Variants in FMN2 observed in about 807,000 individuals in gnomAD.
FMN2 encodes the protein formin-2.
Under a neutral mutation model 142.3 loss-of-function variants are expected in FMN2, and 51 were observed. That is an observed-to-expected ratio of 0.36 (90% confidence interval 0.29 to 0.45). FMN2 has a LOEUF of 0.45. FMN2 is among the 20% of genes least tolerant of loss of function. The probability of loss-of-function intolerance (pLI) is 1.00; values close to 1 mark genes in which losing one functional copy is unlikely to be tolerated. For synonymous variants in FMN2, 882 were observed against 869.8 expected (o/e 1.01, Z -0.25); for missense variants, 1,936 against 2,122.8 (o/e 0.91, Z 1.73).
At chr1:240,333,859 T>G in intron 11 of FMN2, 28 bp from the exon 12 acceptor site, 1 of 1,554,326 alleles carries the variant, frequency 6.4e-7, no homozygotes, top group Non-Finnish European at 8.7e-7. Context: ...AAAAATATAT[T>G]GTCACTGACT....
chr1:240,409,745 A>G (rs902585917), intron 15 of FMN2, among the ~76,000 whole-genome samples: 1 of 152,216 alleles, frequency 6.6e-6, no homozygotes, highest in Non-Finnish European at 1.5e-5. Flanking sequence ...TGCCCAAACA[A>G]TAAGGAAAAT....
In FMN2 at chr1:240,297,333, T is replaced by C. The variant is rs527384672; in HGVS notation, c.4215+2450T>C. On this transcript the variant is annotated intron_variant, in intron 8 of 17. Transcript: ENST00000319653. ...TATTTGGGCTGGGTGTGGTGGCTCATGCCTGTAATCCTAGCACTTTGGGAG... is the reference window on the plus strand; with the variant it reads ...TATTTGGGCTGGGTGTGGTGGCTCACGCCTGTAATCCTAGCACTTTGGGAG... Among the ~76,000 whole-genome samples the C allele has an allele frequency of 1.4e-4, 22 of 152,192 alleles. No individual in the cohort carries two copies. The South Asian group carries it at 1.5e-3, about 10-fold the overall frequency.
intron 13 of FMN2, among the ~76,000 whole-genome samples, chr1:240,345,013 T>C (rs1671861911): frequency 6.6e-6 from 1 of 152,222 alleles, no homozygotes; most frequent in African/African-American, 2.4e-5. Flanking sequence ...TACCATGAGA[T>C]TATAGTCATT....
chr1:240,239,313 T>A (rs1368601782), intron 6 of FMN2, among the ~76,000 whole-genome samples: 1 of 152,206 alleles, frequency 6.6e-6, no homozygotes, highest in Non-Finnish European at 1.5e-5. Flanking sequence ...TTTCTTCAAA[T>A]GGATTTGTTA....
At chr1:240,197,824 AC>A (rs1260182411) in intron 4 of FMN2, among the ~76,000 whole-genome samples, 3 of 152,020 alleles carry the variant, frequency 2.0e-5, no homozygotes, top group African/African-American at 7.2e-5. Flanking sequence ...ATGCACCACC[AC>A]GCCTGGCTAA....
chr1:240,332,415 T>C (rs541587502), intron 11 of FMN2, among the ~76,000 whole-genome samples: 21 of 151,986 alleles, frequency 1.4e-4, no homozygotes, highest in Non-Finnish European at 2.5e-4. Context: ...ATGGTAATTC[T>C]TCAATACTCA....
At chr1:240,160,583 C>T (rs1664237090) in intron 2 of FMN2, among the ~76,000 whole-genome samples, 1 of 151,430 alleles carries the variant, frequency 6.6e-6, no homozygotes, top group Admixed American at 6.6e-5. Context: ...GACAGAAACT[C>T]TTAGGAAACT....
chr1:240,420,602 G>A (rs936290614), intron 15 of FMN2, among the ~76,000 whole-genome samples: 8 of 152,196 alleles, frequency 5.3e-5, no homozygotes, highest in Admixed American at 5.2e-4. Context: ...GTTCACACCA[G>A]GACATTTTTA....
At chr1:240,299,199 C>T (rs547025207) in intron 8 of FMN2, among the ~76,000 whole-genome samples, 12 of 152,216 alleles carry the variant, frequency 7.9e-5, no homozygotes, top group Admixed American at 7.2e-4. Flanking sequence ...CCACCCGCCT[C>T]GACCTTACAA....
At chr1:240,275,863 A>C (rs1186868822) in intron 7 of FMN2, among the ~76,000 whole-genome samples, 1 of 151,810 alleles carries the variant, frequency 6.6e-6, no homozygotes, top group African/African-American at 2.4e-5. Context: ...TTTTTTCCCT[A>C]TGTCTGTTGG....
intron 2 of FMN2, among the ~76,000 whole-genome samples, chr1:240,172,316 A>T (rs1340214750): frequency 1.3e-5 from 2 of 152,192 alleles, no homozygotes; most frequent in Non-Finnish European, 2.9e-5. Context: ...AAGAAAACTC[A>T]GTTTGCTCAA....
At chr1:240,393,171 A>ATT (rs61633161) in intron 15 of FMN2, among the ~76,000 whole-genome samples, 7 of 149,830 alleles carry the variant, frequency 4.7e-5, no homozygotes, top group Non-Finnish European at 4.5e-5. Flanking sequence ...AGATAAGTGT[A>ATT]TTTTTTTTTT....
chr1:240,153,353 A>G (rs980207275), intron 2 of FMN2, among the ~76,000 whole-genome samples: 2 of 151,698 alleles, frequency 1.3e-5, no homozygotes, highest in Non-Finnish European at 2.9e-5. Flanking sequence ...CTCGGTTCTC[A>G]AAAAGTACCC....
chr1:240,434,459 C>T (rs1675284831), intron 15 of FMN2, among the ~76,000 whole-genome samples: 1 of 151,916 alleles, frequency 6.6e-6, no homozygotes, highest in South Asian at 2.1e-4. Context: ...GATTACATAA[C>T]CAAAAATGCC....
At chr1:240,146,065 A>G (rs1663452485) in intron 2 of FMN2, among the ~76,000 whole-genome samples, 1 of 151,898 alleles carries the variant, frequency 6.6e-6, no homozygotes, top group Non-Finnish European at 1.5e-5. Context: ...TACATATGCC[A>G]CGTTCAAAGT....
chr1:240,295,186 TCATACA>T (rs1412163313), intron 8 of FMN2, among the ~76,000 whole-genome samples: 1 of 89,844 alleles, frequency 1.1e-5, no homozygotes, highest in African/African-American at 4.7e-5. Context: ...TCTGTGCACT[TCATACA>T]CACACACACA....
intron 4 of FMN2, among the ~76,000 whole-genome samples, chr1:240,194,313 A>C (rs988865802): frequency 8.5e-5 from 13 of 152,202 alleles, no homozygotes; most frequent in African/African-American, 3.1e-4. Context: ...CACAAATCCC[A>C]GTTATTCCAC....
chr1:240,447,286 C>G (rs1344247577), intron 16 of FMN2, among the ~76,000 whole-genome samples: 1 of 151,914 alleles, frequency 6.6e-6, no homozygotes, highest in East Asian at 1.9e-4. Flanking sequence ...GGTTGGATAC[C>G]AAGAATGGAC....
At chr1:240,169,706 C>A (rs1263827721) in intron 2 of FMN2, among the ~76,000 whole-genome samples, 1 of 152,066 alleles carries the variant, frequency 6.6e-6, no homozygotes, top group Non-Finnish European at 1.5e-5. Context: ...ATCTCCTGGG[C>A]TCAAGTAATA....
Sources: gnomAD v4.1 joint callset for allele counts (sites outside exome capture counted in the v4.1 genomes callset) on GRCh38, gnomAD v4.1.1 for gene constraint, MANE v1.5 for transcripts, NCBI Gene and HGNC (gene_info 2026-07-23, HGNC 2026-07-21) for gene names.